APBB2: variants seen among roughly 807,000 people sequenced by gnomAD.
The protein encoded by APBB2 is Fe65-like 1.
A neutral mutation model predicts 82.5 loss-of-function variants in APBB2; 38 were observed. That is an observed-to-expected ratio of 0.46 (90% CI 0.36 to 0.60). The LOEUF is 0.60. Ranked by LOEUF, APBB2 falls within the 20% of genes least tolerant of loss-of-function variation. APBB2 has a pLI of 0.00. For missense variants in APBB2, 772 were observed against 972.3 expected, an observed-to-expected ratio of 0.79 and a Z score of 2.74; for synonymous variants, 341 against 368.2, an observed-to-expected ratio of 0.93 and a Z score of 0.85.
chr4:40,870,691 T>C (rs575821395), intron 12 of APBB2, among the ~76,000 whole-genome samples: 103 of 151,920 alleles, frequency 6.8e-4, no homozygotes, highest in African/African-American at 2.4e-3. Context: ...TGTTACCTTA[T>C]AGGTATTATA....
At chr4:41,199,060 T>C (rs1776046860) in intron 1 of APBB2, among the ~76,000 whole-genome samples, 1 of 152,228 alleles carries the variant, frequency 6.6e-6, no homozygotes, top group Non-Finnish European at 1.5e-5. Flanking sequence ...TAACCTACTC[T>C]ATCCAGTATG....
chr4:41,159,634 C>T (rs527742223), intron 1 of APBB2, among the ~76,000 whole-genome samples: 2 of 152,140 alleles, frequency 1.3e-5, no homozygotes, highest in East Asian at 3.9e-4. Context: ...TGTAATCTGT[C>T]AATTCTTATA....
At chr4:40,864,881 C>T (rs1229088996) in intron 12 of APBB2, among the ~76,000 whole-genome samples, 14 of 130,944 alleles carry the variant, frequency 1.1e-4, no homozygotes, top group Non-Finnish European at 2.2e-4. Context: ...TTTTTAGAGA[C>T]AGGGTCTCAC....
intron 2 of APBB2, among the ~76,000 whole-genome samples, chr4:41,103,807 C>T (rs752768419): frequency 1.3e-5 from 2 of 152,178 alleles, no homozygotes; most frequent in Non-Finnish European, 2.9e-5. Flanking sequence ...AAAACAAGAA[C>T]ATCAGGAGCT....
At chr4:40,980,171 C>T (rs1289619389) in intron 6 of APBB2, among the ~76,000 whole-genome samples, 1 of 152,080 alleles carries the variant, frequency 6.6e-6, no homozygotes, top group East Asian at 1.9e-4. Flanking sequence ...TACAGGCGCA[C>T]GCTGCCACGC....
intron 12 of APBB2, among the ~76,000 whole-genome samples, chr4:40,864,167 T>C (rs755520153): frequency 2.0e-4 from 31 of 151,972 alleles, no homozygotes; most frequent in Non-Finnish European, 4.4e-4. Flanking sequence ...GGCAGGAGAA[T>C]TGCTTGAACC....
intron 2 of APBB2, among the ~76,000 whole-genome samples, chr4:41,131,656 C>G (rs954306634): frequency 6.6e-6 from 1 of 152,096 alleles, no homozygotes; most frequent in African/African-American, 2.4e-5. Context: ...ATTACTGAGT[C>G]GGATGAGGTA....
At chr4:41,086,828 A>T (rs1739870024) in intron 3 of APBB2, among the ~76,000 whole-genome samples, 1 of 150,218 alleles carries the variant, frequency 6.7e-6, no homozygotes, top group African/African-American at 2.4e-5. Context: ...CAACTTGGCT[A>T]AAAAAAAAAT....
At chr4:40,851,738 A>ATATATATATATATTTTT (rs1192919460) in intron 12 of APBB2, among the ~76,000 whole-genome samples, 1 of 67,736 alleles carries the variant, frequency 1.5e-5, no homozygotes, top group African/African-American at 4.9e-5. Flanking sequence ...ATATATATAT[A>ATATATATATATATTTTT]TTTTTTTTTT....
chr4:40,970,160 G>A (rs1354631651), intron 6 of APBB2, among the ~76,000 whole-genome samples: 2 of 152,030 alleles, frequency 1.3e-5, no homozygotes, highest in Non-Finnish European at 2.9e-5. Flanking sequence ...CCATTATCCT[G>A]GAAGTCCCTT....
At chr4:41,137,907 A>C (rs1758017290) in intron 2 of APBB2, 2 of 152,232 alleles carry the variant, frequency 1.3e-5, no homozygotes, top group Admixed American at 1.3e-4. Flanking sequence ...TAAAGCAACA[A>C]AAGTTTTAGA....
At chr4:40,987,952 TA>T (rs1275164267) in intron 6 of APBB2, among the ~76,000 whole-genome samples, 1 of 152,212 alleles carries the variant, frequency 6.6e-6, no homozygotes, top group Non-Finnish European at 1.5e-5. Context: ...ATGAGATTTT[TA>T]TATTCAAACA....
intron 11 of APBB2, chr4:40,890,794 G>A (rs1012032242): frequency 4.1e-6 from 1 of 244,806 alleles, no homozygotes; most frequent in Admixed American, 5.5e-5. Context: ...GCTAATTGTG[G>A]TTTCCCTGGA....
At chr4:41,031,598 A>T (rs908088965) in intron 5 of APBB2, among the ~76,000 whole-genome samples, 1 of 152,252 alleles carries the variant, frequency 6.6e-6, no homozygotes, top group African/African-American at 2.4e-5. Flanking sequence ...ACATCAGCAT[A>T]ACAAAATATA....
At chr4:40,858,674 G>C (rs1023924293) in intron 12 of APBB2, among the ~76,000 whole-genome samples, 21 of 152,116 alleles carry the variant, frequency 1.4e-4, no homozygotes, top group African/African-American at 4.8e-4. Context: ...GTTTAAATGA[G>C]GATCAGGTGT....
rs887705107 is a variant in APBB2, at chr4:40,945,177, C to T, written c.836-104G>A. 3.8e-6 allele frequency: 3 copies of T among 793,658 alleles called. No individual in the cohort carries two copies. In the African/African-American group the frequency reaches 5.1e-5, roughly 13 times the overall value. 49.2% of individuals were successfully genotyped at this position (793,658 alleles called of 1,614,324 possible). A position where few individuals can be genotyped will look rare whatever the true frequency, so the allele number is the denominator to read the frequency against. On this transcript the variant is annotated intron_variant, in intron 6 of 17. Transcript: ENST00000508593. ...CCCCAAAGGCAGACGTGTCCATAGTCCAAATGATTAGTTCTTCCTGGTATG... is the reference window on the plus strand; with the variant it reads ...CCCCAAAGGCAGACGTGTCCATAGTTCAAATGATTAGTTCTTCCTGGTATG...
chr4:40,909,292 C>A (rs369639290), intron 10 of APBB2, among the ~76,000 whole-genome samples: 1 of 152,158 alleles, frequency 6.6e-6, no homozygotes, highest in East Asian at 1.9e-4. Flanking sequence ...TATTAATTTA[C>A]GGAGAGAAAC....
chr4:40,895,937 C>A (rs553945067), intron 10 of APBB2, among the ~76,000 whole-genome samples: 1 of 152,362 alleles, frequency 6.6e-6, no homozygotes, highest in East Asian at 1.9e-4. Flanking sequence ...CAAACCTGGG[C>A]AGTTTGGCTT....
intron 2 of APBB2, among the ~76,000 whole-genome samples, chr4:41,140,643 G>A (rs1258808636): frequency 6.6e-6 from 1 of 152,208 alleles, no homozygotes; most frequent in Non-Finnish European, 1.5e-5. Context: ...TGCATAGCAG[G>A]AGGTGAGCAG....
Sources: allele counts gnomAD v4.1 joint callset (sites outside exome capture counted in the v4.1 genomes callset), GRCh38; gene constraint gnomAD v4.1.1; transcripts MANE v1.5; gene names NCBI Gene and HGNC (gene_info 2026-07-23, HGNC 2026-07-21).